The following FGFR2 variants were observed in gnomAD, a reference collection of about 807,000 sequenced individuals.
FGFR2 encodes the protein BEK fibroblast growth factor receptor.
FGFR2 carries 19 observed loss-of-function variants against 95.9 expected under a neutral mutation model. The ratio of observed to expected loss-of-function variants is 0.20; its 90% CI spans 0.14 to 0.29. FGFR2 has a LOEUF of 0.29. FGFR2 is among the 10% of genes least tolerant of loss of function. FGFR2 has a pLI of 1.00. For synonymous variants in FGFR2, 392 were observed against 393.3 expected (o/e 1.00, Z 0.04); for missense variants, 707 against 1,056.9 (o/e 0.67, Z 4.59).
At chr10:121,504,533 G>A (rs1313145670) in intron 9 of FGFR2, among the ~76,000 whole-genome samples, 1 of 152,102 alleles carries the variant, frequency 6.6e-6, no homozygotes, top group Non-Finnish European at 1.5e-5. Context: ...CAGCATTGGG[G>A]GCCATTCTTT....
intron 16 of FGFR2, among the ~76,000 whole-genome samples, chr10:121,484,662 T>C (rs1845179342): frequency 6.6e-6 from 1 of 152,166 alleles, no homozygotes; most frequent in Non-Finnish European, 1.5e-5. Context: ...AAGCACTGAT[T>C]CTATTGCACC....
intron 4 of FGFR2, among the ~76,000 whole-genome samples, chr10:121,553,266 G>A (rs1299567196): frequency 6.6e-6 from 1 of 152,166 alleles, no homozygotes; most frequent in Non-Finnish European, 1.5e-5. Context: ...GGAAGGAGGA[G>A]AAAGAAGGAA....
chr10:121,488,243 A>C (rs545913487), intron 13 of FGFR2, 130 bp from the exon 14 acceptor site: 2 of 1,297,978 alleles, frequency 1.5e-6, no homozygotes, highest in Non-Finnish European at 2.2e-6. Context: ...GCGGTATACT[A>C]TAAGAAATAC....
chr10:121,487,289 G>A (rs1259638713), intron 15 of FGFR2, 65 bp downstream of exon 15: 3 of 1,273,812 alleles, frequency 2.4e-6, no homozygotes, highest in Non-Finnish European at 3.4e-6. Flanking sequence ...GAAGAAAGGT[G>A]AAGTACGTAC....
At chr10:121,535,443 G>T (rs979550121) in intron 6 of FGFR2, among the ~76,000 whole-genome samples, 2 of 152,140 alleles carry the variant, frequency 1.3e-5, no homozygotes, top group Non-Finnish European at 2.9e-5. Flanking sequence ...TTCATTCCAC[G>T]GCATAAGCCG....
At chr10:121,526,645 A>T (rs1453445737) in intron 6 of FGFR2, 1 of 398,512 alleles carries the variant, frequency 2.5e-6, no homozygotes, top group East Asian at 3.6e-5. Flanking sequence ...CTTCAGAAAG[A>T]GCCCAGGTGC....
chr10:121,546,655 C>T (rs573047980), intron 5 of FGFR2, among the ~76,000 whole-genome samples: 26 of 152,060 alleles, frequency 1.7e-4, no homozygotes, highest in African/African-American at 6.0e-4. Flanking sequence ...CTTTTTTTGT[C>T]TTCCCTCCTC....
chr10:121,510,389 G>A (rs537001319), intron 9 of FGFR2, among the ~76,000 whole-genome samples: 2 of 152,306 alleles, frequency 1.3e-5, no homozygotes, highest in East Asian at 3.9e-4. Flanking sequence ...GCGAAATAGG[G>A]GCAGGGAGGA....
At chr10:121,520,288 G>A in intron 6 of FGFR2, 119 bp from the exon 7 acceptor site, 1 of 1,021,598 alleles carries the variant, frequency 9.8e-7, no homozygotes, top group Non-Finnish European at 1.4e-6. Context: ...AAGCCTGCTG[G>A]CTGACACCTT....
In FGFR2 at chr10:121,478,768, A is replaced by G. The variant is rs1844319113; in HGVS notation, c.*1089T>C. On this transcript the variant is annotated 3_prime_UTR_variant, in exon 18 of 18. Coordinates refer to ENST00000358487, the MANE Select transcript of FGFR2 (RefSeq NM_000141.5). Reference sequence around the variant, plus strand: ...GCCATTATCAAAATTCACTGAAGAGAATACAGGCTAATCTGATTAATGTGC... The same window carrying G: ...GCCATTATCAAAATTCACTGAAGAGGATACAGGCTAATCTGATTAATGTGC... 4.3e-6 allele frequency: 1 copy of G among 233,586 alleles called. No individual in the cohort carries two copies. The highest frequency in any genetic ancestry group is 5.6e-5 in the Admixed American group (1 of 17,786). The allele number at this position is 233,586 out of a possible 1,614,324, so 14.5% of individuals were successfully genotyped here.
chr10:121,548,150 C>T (rs1224746161), intron 5 of FGFR2, among the ~76,000 whole-genome samples: 6 of 151,998 alleles, frequency 3.9e-5, no homozygotes, highest in Admixed American at 3.3e-4. Flanking sequence ...GCCGCCCCAC[C>T]CTACAGCCAT....
rs775411475 is a variant in FGFR2, at chr10:121,551,353, T to C, written c.561A>G (p.Pro187=). Residue 187 remains proline (P), a synonymous_variant, in exon 5 of 18, where the codon CCA becomes CCG. Transcript: ENST00000358487. ...FRCPAGGNPM[P]TMRWLKNGKE... ...TCCCGTTTTTCAGCCACCGCATGGTTGGCATTGGGTTCCCCCCGGCTGGGC... is the reference window on the plus strand; with the variant it reads ...TCCCGTTTTTCAGCCACCGCATGGTCGGCATTGGGTTCCCCCCGGCTGGGC... 2 of 1,614,236 alleles carry C rather than the reference T, an allele frequency of 1.2e-6. No homozygotes were observed. Among genetic ancestry groups the C allele is most frequent in the South Asian group, 2.2e-5 (2 of 91,084 alleles).
chr10:121,498,548 A>G lies in FGFR2; in HGVS notation c.1619T>C (p.Met540Thr), dbSNP rs1847181821. 1.2e-6 allele frequency: 2 copies of G among 1,614,048 alleles called. No homozygotes were observed. The highest frequency in any genetic ancestry group is 4.5e-5 in the East Asian group (2 of 44,868). ...DLVSEMEMMK[M>T]IGKHKNIINL... ...TATGATATTCTTGTGTTTCCCAATCATCTTCATCATCTCCATCTCTGACAC... is the reference window on the plus strand; with the variant it reads ...TATGATATTCTTGTGTTTCCCAATCGTCTTCATCATCTCCATCTCTGACAC... The change falls in exon 12 of 18, where the codon ATG becomes ACG. Residue 540 changes from methionine (M) to threonine (T), a missense_variant. Coordinates refer to ENST00000358487, the MANE Select transcript of FGFR2 (RefSeq NM_000141.5).
chr10:121,485,673 C>T lies in FGFR2; in HGVS notation c.2058-141G>A. On this transcript the variant is annotated intron_variant, in intron 15 of 17. Transcript: ENST00000358487. The surrounding 1 kb of genome is among the most constrained non-coding windows in gnomAD (Gnocchi z 4.2). ...CCTCCTGCAGTTCCTCCTATGTGCT[C>T]TTTCCTGCCCTGCAAGAGCATCCCC... 4 of 1,047,892 alleles carry T rather than the reference C, an allele frequency of 3.8e-6. No homozygotes were observed. The highest frequency in any genetic ancestry group is 5.7e-6 in the Non-Finnish European group (4 of 701,872). 64.9% of individuals were successfully genotyped at this position (1,047,892 alleles called of 1,614,324 possible).
At position 121,565,544 on chromosome 10, in the gene FGFR2, C is replaced by G. The variant is rs2135115898; in HGVS notation, c.270G>C (p.Glu90Asp). Residue 90 changes from glutamate (E) to aspartate (D), a missense_variant, in exon 3 of 18, where the codon GAG (glutamate) becomes GAC (aspartate). By Grantham distance (45) the Glu-to-Asp change is conservative. Around this residue, in one of 7 missense-constraint regions of FGFR2, gnomAD observed 178 missense variants for 194.1 expected, o/e 0.92. Coordinates refer to ENST00000358487, the MANE Select transcript of FGFR2 (RefSeq NM_000141.5). ...GPNNRTVLIG[E>D]YLQIKGATPR... ...GCGTGGCGCCCTTTATCTGCAAGTA[C>G]TCCCCAATAAGCACTGTCCTATTGT... The G allele has an allele frequency of 1.2e-6, 2 of 1,614,250 alleles. No individual in the cohort carries two copies. Among genetic ancestry groups the G allele is most frequent in the Non-Finnish European group, 1.7e-6 (2 of 1,180,046 alleles).
At chr10:121,564,634 G>T in intron 3 of FGFR2, 55 bp from the exon 4 acceptor site, 1 of 1,523,562 alleles carries the variant, frequency 6.6e-7, no homozygotes. Flanking sequence ...CAAAAAGGTT[G>T]CAATTATCTA....
At chr10:121,513,118 C>T (rs974823744) in intron 9 of FGFR2, among the ~76,000 whole-genome samples, 2 of 152,238 alleles carry the variant, frequency 1.3e-5, no homozygotes, top group South Asian at 2.1e-4. Context: ...GGGTGATCCA[C>T]GCGCCTCAGC....
At chr10:121,487,468 G>T (rs1321074361) in intron 14 of FGFR2, 44 bp from the exon 15 acceptor site, 1 of 1,520,394 alleles carries the variant, frequency 6.6e-7, no homozygotes, top group Admixed American at 1.7e-5. Flanking sequence ...ATATTTAAAA[G>T]AATTTATCTT....
chr10:121,479,437 T>C lies in FGFR2; in HGVS notation c.*420A>G. The C allele has an allele frequency of 2.6e-6, 1 of 391,468 alleles. No homozygotes were observed. Among genetic ancestry groups the C allele is most frequent in the Non-Finnish European group, 4.5e-6 (1 of 224,020 alleles). The allele number at this position is 391,468 out of a possible 1,614,324, so 24.2% of individuals were successfully genotyped here. On this transcript the variant is annotated 3_prime_UTR_variant, in exon 18 of 18. Coordinates refer to ENST00000358487, the MANE Select transcript of FGFR2 (RefSeq NM_000141.5). ...AATAACTCCTTGTAAATATATAATA[T>C]ATATTTATACATAATTTGAATATAT... is the stretch of plus-strand genomic sequence containing the variant.
Sources: allele counts gnomAD v4.1 joint callset (sites outside exome capture counted in the v4.1 genomes callset), GRCh38; gene constraint gnomAD v4.1.1; regional missense constraint gnomAD v4.1.1; non-coding constraint Gnocchi (gnomAD v3.1); transcripts MANE v1.5; gene names NCBI Gene and HGNC (gene_info 2026-07-23, HGNC 2026-07-21).